Variants in BBS9 observed in about 807,000 individuals in gnomAD.
BBS9 encodes protein PTHB1.
A neutral mutation model predicts 117.7 loss-of-function variants in BBS9; 89 were observed. That is an observed-to-expected ratio of 0.76 (90% CI 0.64 to 0.90). The LOEUF is 0.90. Among genes scored for constraint, BBS9 ranks in the 40% least tolerant of loss-of-function variants. The pLI, the probability that BBS9 is intolerant of heterozygous loss-of-function variation, is 0.00. For synonymous variants in BBS9, 379 were observed against 370.9 expected (o/e 1.02, Z -0.25); for missense variants, 982 against 1,042.2 (o/e 0.94, Z 0.80).
At chr7:33,548,592 G>A (rs969861163) in intron 21 of BBS9, among the ~76,000 whole-genome samples, 1 of 146,434 alleles carries the variant, frequency 6.8e-6, no homozygotes. Flanking sequence ...GTGAGAATAT[G>A]CGGTGTTTGG....
chr7:33,186,123 CTT>C (rs1184543223), intron 5 of BBS9, among the ~76,000 whole-genome samples: 2 of 152,198 alleles, frequency 1.3e-5, no homozygotes, highest in Non-Finnish European at 2.9e-5. Context: ...GCTTCTCAAA[CTT>C]TTAACTTTTT....
At chr7:33,592,020 T>C (rs1352783729) in intron 21 of BBS9, among the ~76,000 whole-genome samples, 2 of 152,082 alleles carry the variant, frequency 1.3e-5, no homozygotes, top group Non-Finnish European at 2.9e-5. Context: ...TTTTAATGCC[T>C]TGGTGACAAT....
At chr7:33,592,250 CT>C (rs1862044604) in intron 21 of BBS9, among the ~76,000 whole-genome samples, 1 of 152,006 alleles carries the variant, frequency 6.6e-6, no homozygotes, top group South Asian at 2.1e-4. Flanking sequence ...GGGAGTCTTT[CT>C]CTGTGCCGGG....
intron 5 of BBS9, among the ~76,000 whole-genome samples, chr7:33,231,728 A>C (rs1239631786): frequency 1.3e-5 from 2 of 152,110 alleles, no homozygotes; most frequent in Non-Finnish European, 2.9e-5. Context: ...AATAGACAGG[A>C]ATGACTTTTT....
At chr7:33,460,630 A>G (rs1008589228) in intron 19 of BBS9, among the ~76,000 whole-genome samples, 2 of 152,028 alleles carry the variant, frequency 1.3e-5, no homozygotes, top group Admixed American at 1.3e-4. Flanking sequence ...ATTTGGGATC[A>G]CTTTTAAACA....
chr7:33,580,046 G>T (rs759248681), intron 21 of BBS9, among the ~76,000 whole-genome samples: 1 of 151,892 alleles, frequency 6.6e-6, no homozygotes, highest in Non-Finnish European at 1.5e-5. Context: ...ACTTTTGTAT[G>T]CCTGGCATAT....
intron 21 of BBS9, among the ~76,000 whole-genome samples, chr7:33,602,326 A>T (rs1863920768): frequency 6.6e-6 from 1 of 152,090 alleles, no homozygotes; most frequent in Non-Finnish European, 1.5e-5. Context: ...CCTATGATGC[A>T]CCCGCTGGGC....
At chr7:33,415,849 T>A (rs1024747076) in intron 19 of BBS9, among the ~76,000 whole-genome samples, 1 of 152,160 alleles carries the variant, frequency 6.6e-6, no homozygotes, top group African/African-American at 2.4e-5. Flanking sequence ...AAAAAAAATT[T>A]TTTGAGATAG....
chr7:33,351,273 C>T lies in BBS9; in HGVS notation c.1487C>T (p.Thr496Ile), dbSNP rs139303948. 43 of 1,613,186 alleles carry T rather than the reference C, an allele frequency of 2.7e-5. No homozygotes were observed. In the African/African-American group the frequency reaches 4.0e-4, roughly 15 times the overall value. The change falls in exon 14 of 23, where the codon ACA becomes ATA. Residue 496 changes from threonine to isoleucine, a missense_variant. Transcript: ENST00000242067. ...TCTGTTTATCTGAAAAGAAGTTATACACCATCAGAATTGGAAGGAAATGCT... is the reference window on the plus strand; with the variant it reads ...TCTGTTTATCTGAAAAGAAGTTATATACCATCAGAATTGGAAGGAAATGCT... ...SFSVYLKRSY[T>I]PSELEGNAVV...
At chr7:33,343,604 T>C (rs1816961284) in intron 11 of BBS9, among the ~76,000 whole-genome samples, 1 of 149,948 alleles carries the variant, frequency 6.7e-6, no homozygotes, top group African/African-American at 2.4e-5. Flanking sequence ...GTTCAAGCAA[T>C]TCTCCTGTCT....
intron 4 of BBS9, among the ~76,000 whole-genome samples, chr7:33,174,867 CT>C (rs2128156962): frequency 6.6e-6 from 1 of 152,322 alleles, no homozygotes; most frequent in Non-Finnish European, 1.5e-5. Context: ...ACCCATGTGG[CT>C]GGTTTGGTTG....
rs561397553 is a variant in BBS9 at position 33,581,350 on chromosome 7, A to T, written c.2522-23515A>T. On this transcript the variant is annotated intron_variant, in intron 21 of 22. Transcript: ENST00000242067. ...TTTATTTACACCTATAAACGTTATG[A>T]CTGTGGCACATTAAGCCCATATTCT... 6.6e-5 allele frequency among the ~76,000 whole-genome samples: 10 copies of T among 152,272 alleles called. No homozygotes were observed. In the South Asian group the frequency reaches 2.1e-3, roughly 32 times the overall value.
chr7:33,355,860 TTA>T (rs1819526985), intron 15 of BBS9, among the ~76,000 whole-genome samples: 1 of 151,906 alleles, frequency 6.6e-6, no homozygotes, highest in South Asian at 2.1e-4. Flanking sequence ...GCTCAGTCAC[TTA>T]TAGGCAGTGT....
chr7:33,171,183 A>T (rs1326496167), intron 4 of BBS9, among the ~76,000 whole-genome samples: 2 of 152,184 alleles, frequency 1.3e-5, no homozygotes, highest in Non-Finnish European at 2.9e-5. Flanking sequence ...TGGAGGCATC[A>T]CACTACCTGA....
chr7:33,160,734 C>G (rs1794718338), intron 4 of BBS9, among the ~76,000 whole-genome samples: 1 of 152,056 alleles, frequency 6.6e-6, no homozygotes, highest in African/African-American at 2.4e-5. Flanking sequence ...ATTTCAAGGT[C>G]CCAAAGTGTT....
At chr7:33,294,577 C>G (rs1435468693) in intron 9 of BBS9, among the ~76,000 whole-genome samples, 1 of 152,174 alleles carries the variant, frequency 6.6e-6, no homozygotes, top group Non-Finnish European at 1.5e-5. Flanking sequence ...ACCCTTTTAG[C>G]TGCTGGATAC....
intron 9 of BBS9, among the ~76,000 whole-genome samples, chr7:33,288,163 C>G (rs769926304): frequency 6.6e-6 from 1 of 152,128 alleles, no homozygotes; most frequent in Non-Finnish European, 1.5e-5. Context: ...TGCCTTATGC[C>G]GTTATGCAAC....
At chr7:33,293,382 CACAG>C (rs1172371342) in intron 9 of BBS9, among the ~76,000 whole-genome samples, 3 of 151,702 alleles carry the variant, frequency 2.0e-5, no homozygotes, top group Non-Finnish European at 4.4e-5. Flanking sequence ...GCAGATGACT[CACAG>C]ACACGGAAAA....
chr7:33,633,626 G>A (rs185566740), intron 21 of BBS9, among the ~76,000 whole-genome samples: 1 of 149,958 alleles, frequency 6.7e-6, no homozygotes, highest in East Asian at 2.0e-4. Flanking sequence ...GGGTTTTACT[G>A]CAGGTAGTGG....
Sources: gnomAD v4.1 joint callset for allele counts (sites outside exome capture counted in the v4.1 genomes callset) on GRCh38, gnomAD v4.1.1 for gene constraint, MANE v1.5 for transcripts, NCBI Gene and HGNC (gene_info 2026-07-23, HGNC 2026-07-21) for gene names.